The following KIAA1549L variants were observed in gnomAD, a reference collection of about 807,000 sequenced individuals.
KIAA1549L encodes the protein UPF0606 protein KIAA1549L.
A neutral mutation model predicts 160.7 loss-of-function variants in KIAA1549L; 88 were observed. The observed-to-expected ratio is 0.55, with a 90% CI of 0.46 to 0.65. The LOEUF (loss-of-function observed/expected upper bound fraction) is 0.65, where lower values mean the gene tolerates loss of function less well. Ranked by LOEUF, KIAA1549L falls within the 30% of genes least tolerant of loss-of-function variation. The pLI is 0.00. For synonymous variants in KIAA1549L, 950 were observed against 976.7 expected, an observed-to-expected ratio of 0.97 and a Z score of 0.51; for missense variants, 2,258 against 2,437.5, an observed-to-expected ratio of 0.93 and a Z score of 1.55.
At chr11:33,415,996 C>G (rs879744107) in intron 1 of KIAA1549L, among the ~76,000 whole-genome samples, 2 of 151,916 alleles carry the variant, frequency 1.3e-5, no homozygotes, top group Non-Finnish European at 2.9e-5. Context: ...GTAATCACAC[C>G]ACTGCACTGC....
At chr11:33,439,094 T>C (rs1851440170) in intron 1 of KIAA1549L, among the ~76,000 whole-genome samples, 1 of 151,596 alleles carries the variant, frequency 6.6e-6, no homozygotes, top group South Asian at 2.1e-4. Flanking sequence ...TCCTGGCTAA[T>C]TTTTTTGTAT....
At chr11:33,414,669 AAAC>A (rs578114932) in intron 1 of KIAA1549L, among the ~76,000 whole-genome samples, 2 of 152,228 alleles carry the variant, frequency 1.3e-5, no homozygotes, top group Non-Finnish European at 2.9e-5. Flanking sequence ...TTAAAAAGCA[AAAC>A]AACAACAAGC....
At chr11:33,462,364 A>G (rs933580603) in intron 1 of KIAA1549L, among the ~76,000 whole-genome samples, 2 of 152,324 alleles carry the variant, frequency 1.3e-5, no homozygotes, top group Admixed American at 1.3e-4. Flanking sequence ...TTAACCTTCT[A>G]AATGTTTTTG....
At chr11:33,512,317 G>T (rs1414204074) in intron 1 of KIAA1549L, among the ~76,000 whole-genome samples, 1 of 152,138 alleles carries the variant, frequency 6.6e-6, no homozygotes, top group Non-Finnish European at 1.5e-5. Context: ...AACACAATTA[G>T]CTTTTTAATT....
intron 1 of KIAA1549L, among the ~76,000 whole-genome samples, chr11:33,459,697 C>T (rs1029575526): frequency 2.0e-5 from 3 of 151,960 alleles, no homozygotes; most frequent in Non-Finnish European, 2.9e-5. Context: ...CGCGGTGGCT[C>T]ATGCCTGTAA....
At position 33,544,150 on chromosome 11, in the gene KIAA1549L, G is replaced by T. The variant is rs1854144674; in HGVS notation, c.2587G>T (p.Asp863Tyr). ...AGGTAGCTTGCAGGAAATGCTTTCA[G>T]ATGGAACAGATACAGGTTCTGAAAT... ...STGSLQEMLS[D>Y]GTDTGSEISS... Residue 863 changes from aspartate to tyrosine, a missense_variant, in exon 2 of 21, where the codon GAT becomes TAT. Coordinates refer to ENST00000658780, the MANE Select transcript of KIAA1549L (RefSeq NM_012194.3). The T allele has an allele frequency of 3.7e-6, 6 of 1,613,922 alleles. No homozygotes were observed. In the African/African-American group the frequency reaches 8.0e-5, roughly 22 times the overall value.
At chr11:33,507,959 GGAATAAC>G (rs1853130698) in intron 1 of KIAA1549L, among the ~76,000 whole-genome samples, 1 of 152,160 alleles carries the variant, frequency 6.6e-6, no homozygotes, top group African/African-American at 2.4e-5. Flanking sequence ...TGAACTTTCA[GGAATAAC>G]TGTCAAAAAC....
intron 15 of KIAA1549L, among the ~76,000 whole-genome samples, chr11:33,611,003 C>T (rs962768553): frequency 6.6e-6 from 1 of 152,212 alleles, no homozygotes; most frequent in African/African-American, 2.4e-5. Context: ...CCTCCTGACA[C>T]CACCATGACA....
chr11:33,574,821 T>C lies in KIAA1549L; in HGVS notation c.4350T>C (p.Asp1450=), dbSNP rs143969851. ...CTGCCAAGATCCTGAGCACCATTGA[T>C]TCCCAAAGGATGGCCTTGACCCTTC... ...TAAAKILSTI[D]SQRMALTLHH... is the part of the protein sequence containing the mutation. Residue 1450 remains aspartate (D), a synonymous_variant, in exon 10 of 21, where the codon GAT becomes GAC. Coordinates refer to ENST00000658780, the MANE Select transcript of KIAA1549L (RefSeq NM_012194.3). 2.2e-5 allele frequency: 36 copies of C among 1,614,032 alleles called. No individual in the cohort carries two copies. The African/African-American group carries it at 4.5e-4, about 20-fold the overall frequency.
intron 1 of KIAA1549L, among the ~76,000 whole-genome samples, chr11:33,438,306 A>G (rs545496303): frequency 6.6e-6 from 1 of 152,296 alleles, no homozygotes; most frequent in South Asian, 2.1e-4. Flanking sequence ...ACCAGTTTAG[A>G]CACATACTTG....
chr11:33,554,968 A>C (rs943998683), intron 6 of KIAA1549L, among the ~76,000 whole-genome samples: 2 of 152,204 alleles, frequency 1.3e-5, no homozygotes, highest in African/African-American at 4.8e-5. Flanking sequence ...GAGTGACAGG[A>C]AAGTGTTCCC....
At chr11:33,518,602 T>C (rs1287125023) in intron 1 of KIAA1549L, among the ~76,000 whole-genome samples, 1 of 152,250 alleles carries the variant, frequency 6.6e-6, no homozygotes, top group Non-Finnish European at 1.5e-5. Context: ...ACCTAAGAAC[T>C]ATGTCATACT....
chr11:33,492,388 A>G (rs1356363827), intron 1 of KIAA1549L, among the ~76,000 whole-genome samples: 1 of 152,048 alleles, frequency 6.6e-6, no homozygotes, highest in Non-Finnish European at 1.5e-5. Context: ...AAAAAGAACA[A>G]TTTTGTATAA....
At chr11:33,625,733 C>T (rs1173006418) in intron 16 of KIAA1549L, among the ~76,000 whole-genome samples, 2 of 152,102 alleles carry the variant, frequency 1.3e-5, no homozygotes, top group Admixed American at 1.3e-4. Flanking sequence ...ATGGTAGTTT[C>T]TTTTGCTGTG....
intron 4 of KIAA1549L, among the ~76,000 whole-genome samples, chr11:33,550,640 T>C (rs1854427530): frequency 6.6e-6 from 1 of 152,212 alleles, no homozygotes; most frequent in African/African-American, 2.4e-5. Flanking sequence ...TAATCTATCA[T>C]TTCTACCTTT....
chr11:33,451,623 C>G (rs536792794), intron 1 of KIAA1549L, among the ~76,000 whole-genome samples: 1 of 152,348 alleles, frequency 6.6e-6, no homozygotes, highest in East Asian at 1.9e-4. Flanking sequence ...CTGATCTTGT[C>G]TGAAAGACAG....
rs1855307946 is a variant in KIAA1549L at position 33,572,759 on chromosome 11, G to T, written c.4231-1943G>T. On this transcript the variant is annotated intron_variant, in intron 9 of 20. Transcript: ENST00000658780. ...TGTAGCTATTAAGCAAGGCTGCTGTGAACATTCTTCCACAAGTCCTTTGGT... is the reference window on the plus strand; with the variant it reads ...TGTAGCTATTAAGCAAGGCTGCTGTTAACATTCTTCCACAAGTCCTTTGGT... Among the ~76,000 whole-genome samples the T allele has an allele frequency of 2.0e-5, 3 of 152,212 alleles. No individual in the cohort carries two copies. The South Asian group carries it at 6.2e-4, about 32-fold the overall frequency.
chr11:33,442,263 C>T (rs1851524290), intron 1 of KIAA1549L, among the ~76,000 whole-genome samples: 1 of 152,124 alleles, frequency 6.6e-6, no homozygotes, highest in African/African-American at 2.4e-5. Flanking sequence ...GGGCTCTGTT[C>T]TGTTCCATTG....
intron 1 of KIAA1549L, among the ~76,000 whole-genome samples, chr11:33,430,583 G>A (rs1851218313): frequency 6.6e-6 from 1 of 152,152 alleles, no homozygotes; most frequent in African/African-American, 2.4e-5. Flanking sequence ...GCAAAGTATG[G>A]TGAAGCTTTG....
Sources: gnomAD v4.1 joint callset for allele counts (sites outside exome capture counted in the v4.1 genomes callset) on GRCh38, gnomAD v4.1.1 for gene constraint, MANE v1.5 for transcripts, NCBI Gene and HGNC (gene_info 2026-07-23, HGNC 2026-07-21) for gene names.